DTNA: variants seen among roughly 807,000 people sequenced by gnomAD.
The protein encoded by DTNA is dystrophin-related protein 3.
In DTNA, 43 loss-of-function variants were observed where a neutral mutation model predicts 100.7. The observed-to-expected ratio is 0.43, with a 90% CI of 0.33 to 0.55. The LOEUF (loss-of-function observed/expected upper bound fraction) is 0.55, where lower values mean the gene tolerates loss of function less well. DTNA is among the 20% of genes least tolerant of loss of function. The pLI is 0.04. For synonymous variants in DTNA, 349 were observed against 347.9 expected, an observed-to-expected ratio of 1.00 and a Z score of -0.04; for missense variants, 798 against 953.9, an observed-to-expected ratio of 0.84 and a Z score of 2.15.
At chr18:34,750,674 A>G (rs998370438) in intron 1 of DTNA, among the ~76,000 whole-genome samples, 1 of 152,184 alleles carries the variant, frequency 6.6e-6, no homozygotes, top group Admixed American at 6.5e-5. Flanking sequence ...ATAACTTGGG[A>G]ATGTAATATC....
chr18:34,521,993 TTAAG>T (rs545461182), intron 1 of DTNA, among the ~76,000 whole-genome samples: 245 of 152,286 alleles, frequency 1.6e-3, no homozygotes, highest in Non-Finnish European at 2.7e-3. Context: ...CTGAGGTTCA[TTAAG>T]TATTTGTTGA....
intron 1 of DTNA, among the ~76,000 whole-genome samples, chr18:34,620,574 C>T (rs555859445): frequency 5.3e-5 from 8 of 152,262 alleles, no homozygotes; most frequent in Non-Finnish European, 7.4e-5. Flanking sequence ...GCAGGCTATA[C>T]AGGAAGCTTA....
intron 1 of DTNA, among the ~76,000 whole-genome samples, chr18:34,686,254 A>G (rs2078884679): frequency 6.6e-6 from 1 of 152,196 alleles, no homozygotes; most frequent in Non-Finnish European, 1.5e-5. Context: ...TTGCCCATTC[A>G]GTATGATTTT....
rs377190948 is a variant in DTNA, at chr18:34,843,151, TAA to T, written c.1346+4320_1346+4321del. Among the ~76,000 whole-genome samples the T allele has an allele frequency of 8.8e-3, 1,345 of 152,216 alleles. 28 individuals are homozygous for T. The highest frequency in any genetic ancestry group is 0.031 in the African/African-American group (1,269 of 41,540). On this transcript the variant is annotated intron_variant, in intron 13 of 22. Coordinates refer to ENST00000444659, the MANE Select transcript of DTNA (RefSeq NM_001386795.1). ...TAGCAAAATTAGAATTTTTACTATT[TAA>T]AAAAATCACTATTATAGAGTAGCAC...
intron 1 of DTNA, among the ~76,000 whole-genome samples, chr18:34,598,843 G>A (rs1209344897): frequency 1.3e-5 from 2 of 152,078 alleles, no homozygotes; most frequent in Non-Finnish European, 2.9e-5. Flanking sequence ...TCCAGTCTGG[G>A]TGACAGAGCG....
intron 3 of DTNA, among the ~76,000 whole-genome samples, chr18:34,773,458 G>A (rs910621310): frequency 3.9e-5 from 6 of 152,346 alleles, no homozygotes; most frequent in Admixed American, 1.3e-4. Flanking sequence ...CAAGGAGCCA[G>A]CAGGAAAAGC....
At chr18:34,654,101 G>C (rs2074011360) in intron 1 of DTNA, among the ~76,000 whole-genome samples, 1 of 152,166 alleles carries the variant, frequency 6.6e-6, no homozygotes. Context: ...TATAGGACTT[G>C]GGTGGTCTCA....
intron 1 of DTNA, among the ~76,000 whole-genome samples, chr18:34,699,689 G>A (rs1187913881): frequency 6.6e-6 from 1 of 152,144 alleles, no homozygotes; most frequent in East Asian, 1.9e-4. Flanking sequence ...TTTGGTGGAG[G>A]CACAGACAAC....
intron 15 of DTNA, among the ~76,000 whole-genome samples, chr18:34,852,794 A>G (rs2096497252): frequency 1.3e-5 from 2 of 152,230 alleles, no homozygotes; most frequent in East Asian, 1.9e-4. Context: ...CTGGGGTCTC[A>G]GCTCAAATAT....
rs529768212 is a variant in DTNA, at chr18:34,852,047, C to A, written c.1532+119C>A. 3.5e-5 allele frequency: 34 copies of A among 983,758 alleles called. 1 individual carries two copies. In the African/African-American group the frequency reaches 5.3e-4, roughly 15 times the overall value. The allele number at this position is 983,758 out of a possible 1,614,324, so 60.9% of individuals were successfully genotyped here. A position where few individuals can be genotyped will look rare whatever the true frequency, so the allele number is the denominator to read the frequency against. On this transcript the variant is annotated intron_variant, in intron 15 of 22. Coordinates refer to ENST00000444659, the MANE Select transcript of DTNA (RefSeq NM_001386795.1). ...TGTATGGCTACTCAAGGGAAGACAT[C>A]TACACTCAGTGATGCTCACTTCCAA...
At chr18:34,820,505 G>A (rs1170716358) in intron 8 of DTNA, among the ~76,000 whole-genome samples, 2 of 152,166 alleles carry the variant, frequency 1.3e-5, no homozygotes, top group Non-Finnish European at 2.9e-5. Flanking sequence ...TTCCCAGTCT[G>A]CTGAGTTTTT....
At chr18:34,854,203 C>A (rs1226800845) in intron 15 of DTNA, among the ~76,000 whole-genome samples, 3 of 152,126 alleles carry the variant, frequency 2.0e-5, no homozygotes, top group African/African-American at 7.2e-5. Context: ...TCAATTCAGG[C>A]ACTGGAAAGA....
chr18:34,838,252 G>A, intron 12 of DTNA, 81 bp downstream of exon 12: 2 of 1,468,630 alleles, frequency 1.4e-6, no homozygotes, highest in Admixed American at 1.8e-5. Context: ...AATGCTTTGT[G>A]TGTGAAAGAC....
At chr18:34,865,957 T>C (rs1440269407) in intron 17 of DTNA, among the ~76,000 whole-genome samples, 1 of 152,232 alleles carries the variant, frequency 6.6e-6, no homozygotes, top group Non-Finnish European at 1.5e-5. Context: ...AATAACCAAG[T>C]AGACTTGGAG....
chr18:34,496,570 C>A (rs925078197), intron 1 of DTNA, among the ~76,000 whole-genome samples: 3 of 152,182 alleles, frequency 2.0e-5, no homozygotes, highest in African/African-American at 7.2e-5. Context: ...ACTGCTTCTG[C>A]TTCTACAGAG....
At chr18:34,522,393 T>C (rs1402330258) in intron 1 of DTNA, among the ~76,000 whole-genome samples, 1 of 152,168 alleles carries the variant, frequency 6.6e-6, no homozygotes, top group Non-Finnish European at 1.5e-5. Context: ...TTCTAGACTT[T>C]TATAGAACCG....
intron 1 of DTNA, among the ~76,000 whole-genome samples, chr18:34,505,198 C>T (rs1212185319): frequency 6.6e-6 from 1 of 152,176 alleles, no homozygotes; most frequent in Non-Finnish European, 1.5e-5. Flanking sequence ...CTAGAGGCAC[C>T]TGTATTCTTT....
chr18:34,738,742 G>A (rs2090107385), intron 1 of DTNA, among the ~76,000 whole-genome samples: 2 of 152,200 alleles, frequency 1.3e-5, no homozygotes, highest in Admixed American at 1.3e-4. Context: ...GCTTAGTCAT[G>A]CCTTTTTGCA....
chr18:34,580,660 T>C (rs1228859019), intron 1 of DTNA, among the ~76,000 whole-genome samples: 2 of 152,184 alleles, frequency 1.3e-5, no homozygotes, highest in African/African-American at 4.8e-5. Context: ...ATCCTGCCAA[T>C]GTTTCTGGAC....
Sources: gnomAD v4.1 joint callset for allele counts (sites outside exome capture counted in the v4.1 genomes callset) on GRCh38, gnomAD v4.1.1 for gene constraint, MANE v1.5 for transcripts, NCBI Gene and HGNC (gene_info 2026-07-23, HGNC 2026-07-21) for gene names.